The following BFSP1 variants were observed in gnomAD, a reference collection of about 807,000 sequenced individuals.
BFSP1 encodes filensin.
A neutral mutation model predicts 43.9 loss-of-function variants in BFSP1; 38 were observed. That is an observed-to-expected ratio of 0.87 (90% CI 0.67 to 1.14). The LOEUF (loss-of-function observed/expected upper bound fraction) is 1.14. BFSP1 is among the 50% of genes most tolerant of loss of function. BFSP1 has a pLI of 0.00. For missense variants in BFSP1, 850 were observed against 875.1 expected, an observed-to-expected ratio of 0.97 and a Z score of 0.36; for synonymous variants, 352 against 354.8, an observed-to-expected ratio of 0.99 and a Z score of 0.09.
At chr20:17,539,125 T>C (rs1396419106) in intron 1 of BFSP1, among the ~76,000 whole-genome samples, 2 of 143,746 alleles carry the variant, frequency 1.4e-5, no homozygotes, top group Non-Finnish European at 3.0e-5. Flanking sequence ...TTTTTTTTTT[T>C]TTTTTTGCAA....
At chr20:17,521,318 C>T (rs936164136) in intron 2 of BFSP1, among the ~76,000 whole-genome samples, 4 of 152,156 alleles carry the variant, frequency 2.6e-5, no homozygotes, top group African/African-American at 9.7e-5. Context: ...GAGCTCTTTC[C>T]GTAGGCTTGA....
At chr20:17,533,160 G>A (rs1328283913), upstream of BFSP1, among the ~76,000 whole-genome samples, 3 of 151,750 alleles carry the variant, frequency 2.0e-5, no homozygotes, top group East Asian at 5.8e-4. Flanking sequence ...GACGAGCCTT[G>A]GCAACATAGT....
At chr20:17,523,331 G>A (rs1351468156) in intron 2 of BFSP1, among the ~76,000 whole-genome samples, 1 of 152,070 alleles carries the variant, frequency 6.6e-6, no homozygotes, top group East Asian at 1.9e-4. Flanking sequence ...GACAAGTGAG[G>A]ACAGATGCTC....
Position 17,494,969 on chromosome 20 carries a change from T to C in BFSP1, c.1103A>G (p.Lys368Arg), listed in dbSNP as rs1196422563. Reference sequence around the variant, plus strand: ...AATCTCTTTTCTCCTTGGAACATTCTTGGGGAGGGCTTTTTGTCTTGGTTT... The same window carrying C: ...AATCTCTTTTCTCCTTGGAACATTCCTGGGGAGGGCTTTTTGTCTTGGTTT... ...AAKPRQKALP[K>R]NVPRRKEIIT... Residue 368 changes from lysine to arginine, a missense_variant, in exon 8 of 8, where the codon AAG (lysine) becomes AGG (arginine). Coordinates refer to ENST00000377873, the MANE Select transcript of BFSP1 (RefSeq NM_001195.5). 3.7e-6 allele frequency: 6 copies of C among 1,614,138 alleles called. No individual in the cohort carries two copies. The highest frequency in any genetic ancestry group is 5.1e-6 in the Non-Finnish European group (6 of 1,180,020).
chr20:17,509,078 C>T (rs547108193), intron 4 of BFSP1, 82 bp from the exon 5 acceptor site: 137 of 1,011,348 alleles, frequency 1.4e-4, no homozygotes, highest in South Asian at 6.4e-4. Context: ...CTGGTATGGA[C>T]GGAATATCCG....
At chr20:17,558,123 G>C (rs1275144362) in intron 1 of BFSP1, among the ~76,000 whole-genome samples, 1 of 149,570 alleles carries the variant, frequency 6.7e-6, no homozygotes, top group African/African-American at 2.5e-5. Flanking sequence ...CAAAGATGGG[G>C]GGGGGTTTTA....
At chr20:17,522,512 A>C (rs1209005126) in intron 2 of BFSP1, among the ~76,000 whole-genome samples, 1 of 152,222 alleles carries the variant, frequency 6.6e-6, no homozygotes, top group Non-Finnish European at 1.5e-5. Flanking sequence ...ATTCTTACGT[A>C]GGTTTATTTG....
At position 17,497,008 on chromosome 20, in the gene BFSP1, G is replaced by A; in HGVS notation, c.972C>T (p.Phe324=). 1 of 1,540,578 alleles carries A rather than the reference G, an allele frequency of 6.5e-7. No individual in the cohort carries two copies. Among genetic ancestry groups the A allele is most frequent in the Non-Finnish European group, 8.7e-7 (1 of 1,143,830 alleles). ...EIEGNRLTSA[F]IETPIPLFTQ... ...TGAACAGGGGAATGGGAGTTTCAAT[G>A]AAGGCAGAGGTCAGCCTGGCAGAAA... The change falls in exon 7 of 8, where the codon TTC becomes TTT. Residue 324 remains phenylalanine, a synonymous_variant. Transcript: ENST00000377873.
chr20:17,566,268 CCTAT>C (rs1194055272), intron 1 of BFSP1, among the ~76,000 whole-genome samples: 4 of 152,140 alleles, frequency 2.6e-5, no homozygotes, highest in Admixed American at 6.5e-5. Context: ...CTTTCCCCAG[CCTAT>C]CTATTAATAC....
intron 2 of BFSP1, among the ~76,000 whole-genome samples, chr20:17,518,242 G>A (rs147594956): frequency 6.6e-6 from 1 of 152,310 alleles, no homozygotes; most frequent in East Asian, 1.9e-4. Context: ...TCCAGATCCA[G>A]GACACTGAAC....
Position 17,514,726 on chromosome 20 carries a change from T to A in BFSP1, c.529A>T (p.Lys177Ter), listed in dbSNP as rs1427717641. ...CTTCAAGGGGTCATGATTACCTTCT[T>A]GTGCCTGTCCTTTGCCGCACTGATA... ...DDISAAKDRH[K>*]KNLLEVQTYI... The change falls in exon 3 of 8, where the codon AAG becomes TAG. Residue 177 changes from lysine to a stop codon, truncating the protein, a stop_gained. Transcript: ENST00000377873. LOFTEE classifies it high-confidence loss of function. The A allele has an allele frequency of 6.2e-7, 1 of 1,613,924 alleles. No individual in the cohort carries two copies. The highest frequency in any genetic ancestry group is 2.2e-5 in the East Asian group (1 of 44,872).
At chr20:17,548,821 T>G (rs1045663767) in intron 1 of BFSP1, among the ~76,000 whole-genome samples, 5 of 152,134 alleles carry the variant, frequency 3.3e-5, no homozygotes, top group Non-Finnish European at 1.5e-5. Flanking sequence ...TGTTTGTTTG[T>G]TTTTTAGATG....
chr20:17,558,864 A>G (rs2035038763), exon 1 of BFSP1: 1 of 857,576 alleles, frequency 1.2e-6, no homozygotes, highest in Non-Finnish European at 1.7e-6. Context: ...GCAGAGAGGA[A>G]GTGACTCACT....
At chr20:17,552,050 T>C (rs1254584008) in intron 1 of BFSP1, among the ~76,000 whole-genome samples, 1 of 152,054 alleles carries the variant, frequency 6.6e-6, no homozygotes, top group South Asian at 2.1e-4. Context: ...TTATATTCAA[T>C]TGGAGAAAAC....
At chr20:17,504,919 T>A (rs2033895419) in intron 5 of BFSP1, among the ~76,000 whole-genome samples, 1 of 87,456 alleles carries the variant, frequency 1.1e-5, no homozygotes, top group Non-Finnish European at 2.6e-5. Context: ...TTTTTTTGTT[T>A]TTGTTTTTGT....
upstream of BFSP1, among the ~76,000 whole-genome samples, chr20:17,534,370 G>A (rs985369339): frequency 3.2e-4 from 48 of 152,278 alleles, no homozygotes; most frequent in African/African-American, 1.1e-3. Context: ...TCCCAGTATG[G>A]AGACTGGTAA....
At chr20:17,521,638 C>T (rs1394448338) in intron 2 of BFSP1, among the ~76,000 whole-genome samples, 2 of 152,200 alleles carry the variant, frequency 1.3e-5, no homozygotes, top group Non-Finnish European at 2.9e-5. Flanking sequence ...CAGCAGAGAA[C>T]AAAAAGGTCC....
upstream of BFSP1, among the ~76,000 whole-genome samples, chr20:17,561,987 C>T (rs1489719291): frequency 6.6e-6 from 1 of 151,982 alleles, no homozygotes; most frequent in Admixed American, 6.6e-5. Flanking sequence ...ACGGCGCGAT[C>T]TCGGCTCACT....
chr20:17,510,265 G>A (rs1802740498), intron 4 of BFSP1, among the ~76,000 whole-genome samples: 1 of 152,222 alleles, frequency 6.6e-6, no homozygotes, highest in Admixed American at 6.5e-5. Flanking sequence ...TGACATCAAA[G>A]TCAGTTTAGT....
Sources: gnomAD v4.1 joint callset for allele counts (sites outside exome capture counted in the v4.1 genomes callset) on GRCh38, gnomAD v4.1.1 for gene constraint, MANE v1.5 for transcripts, NCBI Gene and HGNC (gene_info 2026-07-23, HGNC 2026-07-21) for gene names.